Variants in CSMD2 observed in about 807,000 individuals in gnomAD.
CSMD2 encodes CUB and Sushi multiple domains 2, also known as CUB and sushi domain-containing protein 2.
CSMD2 carries 130 observed loss-of-function variants against 398.5 expected under a neutral mutation model. The observed-to-expected ratio is 0.33, with a 90% CI of 0.28 to 0.38. The LOEUF (loss-of-function observed/expected upper bound fraction) is 0.38. CSMD2 is among the 10% of genes least tolerant of loss of function. The pLI is 1.00. For synonymous variants in CSMD2, 1,828 were observed against 1,908.5 expected, an observed-to-expected ratio of 0.96 and a Z score of 1.10; for missense variants, 3,829 against 4,764.9, an observed-to-expected ratio of 0.80 and a Z score of 5.78.
chr1:33,837,347 T>G (rs116373747), intron 6 of CSMD2, among the ~76,000 whole-genome samples: 1 of 152,082 alleles, frequency 6.6e-6, no homozygotes, highest in Non-Finnish European at 1.5e-5. Flanking sequence ...AGAAAGAACA[T>G]AGAGAATTTC....
At chr1:34,049,137 C>A (rs563409417) in intron 2 of CSMD2, among the ~76,000 whole-genome samples, 121 of 152,280 alleles carry the variant, frequency 7.9e-4, no homozygotes, top group South Asian at 7.2e-3. Context: ...CCAAGTCACA[C>A]GTTGTGAACA....
intron 6 of CSMD2, among the ~76,000 whole-genome samples, chr1:33,844,696 C>T (rs903874034): frequency 4.6e-5 from 7 of 152,304 alleles, no homozygotes; most frequent in African/African-American, 9.6e-5. Flanking sequence ...CTATGACTCT[C>T]GTTCCTCAAC....
intron 2 of CSMD2, among the ~76,000 whole-genome samples, chr1:34,077,991 T>A (rs1464861120): frequency 6.6e-6 from 1 of 152,144 alleles, no homozygotes; most frequent in African/African-American, 2.4e-5. Flanking sequence ...CTTGTACTCA[T>A]GAAATTTTTT....
intron 3 of CSMD2, among the ~76,000 whole-genome samples, chr1:33,993,088 C>G (rs1646614729): frequency 6.6e-6 from 1 of 152,030 alleles, no homozygotes; most frequent in African/African-American, 2.4e-5. Context: ...ATGTATGTGT[C>G]TCTATATATG....
chr1:33,899,414 A>C (rs1196069625), intron 5 of CSMD2, among the ~76,000 whole-genome samples: 1 of 152,224 alleles, frequency 6.6e-6, no homozygotes, highest in Non-Finnish European at 1.5e-5. Flanking sequence ...GTTGGGAGGC[A>C]AAGGGCCCTG....
intron 46 of CSMD2, among the ~76,000 whole-genome samples, chr1:33,585,589 C>T (rs1202497244): frequency 2.0e-5 from 3 of 152,222 alleles, no homozygotes; most frequent in Non-Finnish European, 4.4e-5. Flanking sequence ...CCTGATTTCA[C>T]TAATCCGATG....
At chr1:33,620,151 A>G (rs1177309100) in intron 37 of CSMD2, among the ~76,000 whole-genome samples, 1 of 152,242 alleles carries the variant, frequency 6.6e-6, no homozygotes, top group Non-Finnish European at 1.5e-5. Context: ...AACAAAGGAA[A>G]AATTATTTTT....
intron 4 of CSMD2, among the ~76,000 whole-genome samples, chr1:33,932,705 C>T (rs1324567391): frequency 6.6e-6 from 1 of 152,172 alleles, no homozygotes; most frequent in Non-Finnish European, 1.5e-5. Flanking sequence ...TTATCTCTGG[C>T]TGGTGGGGTA....
At chr1:33,612,777 G>T (rs569573579) in intron 40 of CSMD2, among the ~76,000 whole-genome samples, 45 of 151,846 alleles carry the variant, frequency 3.0e-4, no homozygotes, top group Admixed American at 2.7e-3. Flanking sequence ...CGCCTCCCGG[G>T]TTCACACCAT....
intron 13 of CSMD2, among the ~76,000 whole-genome samples, chr1:33,753,227 A>G (rs916844416): frequency 4.6e-5 from 7 of 152,236 alleles, no homozygotes; most frequent in Admixed American, 4.6e-4. Context: ...CATTTCAGCA[A>G]TCTTTGCAGC....
intron 15 of CSMD2, among the ~76,000 whole-genome samples, chr1:33,737,407 C>T (rs1253571909): frequency 1.3e-5 from 2 of 152,144 alleles, no homozygotes; most frequent in African/African-American, 4.8e-5. Flanking sequence ...TCTGGTTGGT[C>T]CAATGAAGAA....
chr1:33,546,524 C>T lies in CSMD2; in HGVS notation c.8918-305G>A, dbSNP rs140160294. Reference sequence around the variant, plus strand: ...TCCAAACTGGCCACAGGTCCTCCTTCTCCCCTTCCCCTCTTCTCTACAAAC... The same window carrying T: ...TCCAAACTGGCCACAGGTCCTCCTTTTCCCCTTCCCCTCTTCTCTACAAAC... On this transcript the variant is annotated intron_variant, in intron 56 of 70. Coordinates refer to ENST00000373381, the MANE Select transcript of CSMD2 (RefSeq NM_001281956.2). Among the ~76,000 whole-genome samples the T allele has an allele frequency of 7.2e-4, 109 of 152,276 alleles. No homozygotes were observed. In the Middle Eastern group the frequency reaches 0.01, roughly 14 times the overall value.
chr1:34,033,905 C>T (rs1650778588), intron 2 of CSMD2, among the ~76,000 whole-genome samples: 1 of 152,086 alleles, frequency 6.6e-6, no homozygotes, highest in Non-Finnish European at 1.5e-5. Flanking sequence ...CCATCCTAAC[C>T]TTGTGGGATT....
chr1:33,935,273 G>T (rs542696877), intron 4 of CSMD2, among the ~76,000 whole-genome samples: 1 of 152,096 alleles, frequency 6.6e-6, no homozygotes, highest in South Asian at 2.1e-4. Context: ...TTTTCTGGGG[G>T]AGGGGGTTGT....
At chr1:33,541,509 C>T (rs1382525453) in intron 58 of CSMD2, among the ~76,000 whole-genome samples, 200 bp from the exon 59 acceptor site, 2 of 152,164 alleles carry the variant, frequency 1.3e-5, no homozygotes, top group Admixed American at 6.5e-5. Flanking sequence ...CTCTGTCACC[C>T]AGGCTGGAGT....
intron 64 of CSMD2, among the ~76,000 whole-genome samples, chr1:33,530,247 C>A (rs545475350): frequency 6.6e-6 from 1 of 152,088 alleles, no homozygotes; most frequent in Non-Finnish European, 1.5e-5. Flanking sequence ...AACTCGATAG[C>A]AAGAAAATAG....
In CSMD2 at chr1:33,935,896, A is replaced by G. The variant is rs753991990; in HGVS notation, c.576T>C (p.Gly192=). ...CCTTGTCACCGAGGTTGAAGGTTGA[A>G]CCCTGCTGGATGCCATTGGGCAGCC... ...PGRLPNGIQQ[G]STFNLGDKVR... The change falls in exon 4 of 71, where the codon GGT becomes GGC. Residue 192 remains glycine, a synonymous_variant. Transcript: ENST00000373381. 20 of 1,613,902 alleles carry G rather than the reference A, an allele frequency of 1.2e-5. No individual in the cohort carries two copies. Among genetic ancestry groups the G allele is most frequent in the Non-Finnish European group, 1.7e-5 (20 of 1,179,942 alleles).
rs188732644 is a variant in CSMD2, at chr1:34,020,505, T to A, written c.517+12089A>T. On this transcript the variant is annotated intron_variant, in intron 3 of 70. Coordinates refer to ENST00000373381, the MANE Select transcript of CSMD2 (RefSeq NM_001281956.2). ...GCTGGGGACCACAGGCTCAAGGAGA[T>A]GCCCCAGCGTCATGCTGCTGGCCCA... 3.3e-3 allele frequency among the ~76,000 whole-genome samples: 501 copies of A among 152,254 alleles called. 2 individuals carry two copies. The highest frequency in any genetic ancestry group is 5.0e-3 in the Admixed American group (77 of 15,296).
chr1:33,819,933 T>C, intron 8 of CSMD2, 96 bp from the exon 9 acceptor site: 1 of 1,515,316 alleles, frequency 6.6e-7, no homozygotes. Flanking sequence ...CACATGTTAT[T>C]TTTCCTTCTG....
Sources: allele counts gnomAD v4.1 joint callset (sites outside exome capture counted in the v4.1 genomes callset), GRCh38; gene constraint gnomAD v4.1.1; transcripts MANE v1.5; gene names NCBI Gene and HGNC (gene_info 2026-07-23, HGNC 2026-07-21).